Variants in ANO1 observed in about 807,000 individuals in gnomAD.
ANO1 encodes anoctamin 1, also known as anoctamin-1.
In ANO1, 59 loss-of-function variants were observed where a neutral mutation model predicts 124.0. That is an observed-to-expected ratio of 0.48 (90% CI 0.39 to 0.59). ANO1 has a LOEUF of 0.59. Ranked by LOEUF, ANO1 falls within the 20% of genes least tolerant of loss-of-function variation. The pLI is 0.00. For missense variants in ANO1, 1,059 were observed against 1,328.0 expected (o/e 0.80, Z 3.15); for synonymous variants, 529 against 532.0 (o/e 0.99, Z 0.08).
At chr11:70,129,510 T>A (rs1380501614) in intron 10 of ANO1, 2 of 152,148 alleles carry the variant, frequency 1.3e-5, no homozygotes, top group Non-Finnish European at 2.9e-5. Flanking sequence ...GCCCGACCCC[T>A]GCTCCCATGC....
intron 7 of ANO1, among the ~76,000 whole-genome samples, chr11:70,114,186 G>A (rs1398130419): frequency 6.6e-6 from 1 of 152,228 alleles, no homozygotes; most frequent in African/African-American, 2.4e-5. Flanking sequence ...CCTTAAAGAT[G>A]GAGAAACAGG....
rs1210601712 is a variant in ANO1, at chr11:70,106,156, G to A, written c.747+368G>A. On this transcript the variant is annotated intron_variant, in intron 5 of 25. Transcript: ENST00000355303. Reference sequence around the variant, plus strand: ...CAGGCCACGATTCGGGGCTTTCAGGGCAGGCAGGTGTGGGCAGGAGGGAGG... The same window carrying A: ...CAGGCCACGATTCGGGGCTTTCAGGACAGGCAGGTGTGGGCAGGAGGGAGG... 2.0e-5 allele frequency among the ~76,000 whole-genome samples: 3 copies of A among 152,324 alleles called. No individual in the cohort carries two copies. In the East Asian group the frequency reaches 5.8e-4, roughly 29 times the overall value.
At chr11:70,104,386 T>C (rs964505698) in intron 4 of ANO1, among the ~76,000 whole-genome samples, 3 of 152,150 alleles carry the variant, frequency 2.0e-5, no homozygotes, top group African/African-American at 7.2e-5. Flanking sequence ...AAAAACTTCT[T>C]TGGCCTGAGT....
chr11:69,981,609 C>G (rs887220821), upstream of ANO1, among the ~76,000 whole-genome samples: 22 of 152,166 alleles, frequency 1.4e-4, no homozygotes, highest in Non-Finnish European at 2.9e-4. Context: ...GCTGGGAGCC[C>G]CTGGTATCAG....
At chr11:70,103,311 G>A in intron 3 of ANO1, 147 bp downstream of exon 3, 1 of 654,422 alleles carries the variant, frequency 1.5e-6, no homozygotes, top group Non-Finnish European at 2.6e-6. Context: ...CAAAGACCAT[G>A]TGGCTCGATG....
At chr11:70,092,657 G>T (rs1161659083) in intron 2 of ANO1, among the ~76,000 whole-genome samples, 1 of 152,164 alleles carries the variant, frequency 6.6e-6, no homozygotes, top group Non-Finnish European at 1.5e-5. Context: ...GATGTGAGGA[G>T]TGTGGGAAGG....
chr11:70,040,661 C>G (rs549329593), intron 1 of ANO1, among the ~76,000 whole-genome samples: 14 of 152,036 alleles, frequency 9.2e-5, no homozygotes, highest in African/African-American at 3.1e-4. Context: ...GGTGACAGAG[C>G]GAGACTCTGT....
At chr11:70,125,546 GA>G (rs1565225911) in intron 9 of ANO1, among the ~76,000 whole-genome samples, 2 of 148,478 alleles carry the variant, frequency 1.3e-5, no homozygotes, top group African/African-American at 4.9e-5. Context: ...GAAAGGAAAA[GA>G]AAAAGAAAGA....
intron 1 of ANO1, among the ~76,000 whole-genome samples, chr11:70,017,810 G>A (rs1856729052): frequency 1.3e-5 from 2 of 152,076 alleles, no homozygotes; most frequent in Admixed American, 1.3e-4. Flanking sequence ...ATGAGCCACA[G>A]TACCTGGCCT....
chr11:69,997,149 G>C (rs563170980), intron 1 of ANO1, among the ~76,000 whole-genome samples: 2 of 152,242 alleles, frequency 1.3e-5, no homozygotes, highest in Admixed American at 1.3e-4. Flanking sequence ...ATCCATTCTA[G>C]TTAAATCTGA....
intron 1 of ANO1, among the ~76,000 whole-genome samples, chr11:70,058,782 A>G (rs1321135018): frequency 3.3e-5 from 5 of 152,188 alleles, no homozygotes; most frequent in Admixed American, 3.3e-4. Context: ...TTAAAAGATC[A>G]TTAGTCCATT....
chr11:70,120,854 C>G (rs1205329674), intron 8 of ANO1, among the ~76,000 whole-genome samples: 1 of 152,172 alleles, frequency 6.6e-6, no homozygotes, highest in Non-Finnish European at 1.5e-5. Context: ...GTCACAGTGA[C>G]TGGAGCCGCC....
chr11:70,061,496 TTCTCTCTCTC>T (rs1555007746), intron 1 of ANO1, among the ~76,000 whole-genome samples: 3 of 139,546 alleles, frequency 2.1e-5, no homozygotes, highest in Admixed American at 7.1e-5. Context: ...CCCTCTCTCT[TTCTCTCTCTC>T]TCCCCTCCTC....
intron 11 of ANO1, among the ~76,000 whole-genome samples, chr11:70,143,501 G>A (rs912103422): frequency 2.6e-5 from 4 of 152,134 alleles, no homozygotes; most frequent in Non-Finnish European, 4.4e-5. Flanking sequence ...GGAGAAGGAC[G>A]GCAGAAAGAC....
At position 70,083,907 on chromosome 11, in the gene ANO1, A is replaced by C. The variant is rs144509382; in HGVS notation, c.109-3845A>C. Among the ~76,000 whole-genome samples, 10 of 152,374 alleles carry C rather than the reference A, an allele frequency of 6.6e-5. No individual in the cohort carries two copies. In the East Asian group the frequency reaches 1.9e-3, roughly 29 times the overall value. Reference sequence around the variant, plus strand: ...GCAGTCCCAGCACAGAGAGACCTGCAGAGGCCAGAGGGGCTGGCCACCTTC... The same window carrying C: ...GCAGTCCCAGCACAGAGAGACCTGCCGAGGCCAGAGGGGCTGGCCACCTTC... On this transcript the variant is annotated intron_variant, in intron 1 of 25. Coordinates refer to ENST00000355303, the MANE Select transcript of ANO1 (RefSeq NM_018043.7).
Position 70,182,680 on chromosome 11 carries a change from T to C in ANO1, c.2582T>C (p.Ile861Thr). The C allele has an allele frequency of 6.3e-7, 1 of 1,590,630 alleles. No homozygotes were observed. Among genetic ancestry groups the C allele is most frequent in the South Asian group, 1.1e-5 (1 of 87,002 alleles). The change falls in exon 24 of 26, where the codon ATC (isoleucine) becomes ACC (threonine). Residue 861 changes from isoleucine to threonine, a missense_variant. Ile to Thr is a moderately conservative substitution (Grantham distance 89). Transcript: ENST00000355303. ...CTGGACCTGGGCTACGAGGTGCAGA[T>C]CTGCAGGTACTGCTCTCTGCTCCCC... Reference protein sequence around the residue: ...DPLDLGYEVQICRYKDYREPP... With the variant: ...DPLDLGYEVQTCRYKDYREPP...
intron 8 of ANO1, among the ~76,000 whole-genome samples, chr11:70,117,951 G>A (rs567384248): frequency 1.7e-4 from 26 of 152,224 alleles, no homozygotes; most frequent in Admixed American, 9.2e-4. Flanking sequence ...ATCTGGCATC[G>A]TCTGGGACCC....
chr11:70,147,992 C>T (rs1174851808), intron 11 of ANO1, among the ~76,000 whole-genome samples: 2 of 152,122 alleles, frequency 1.3e-5, no homozygotes, highest in East Asian at 1.9e-4. Flanking sequence ...CAGGCTGGGC[C>T]GGCCGATACA....
rs540551294 is a variant in ANO1, at chr11:70,095,346, AAAAG to A, written c.441+7342_441+7345del. Among the ~76,000 whole-genome samples the A allele has an allele frequency of 6.9e-3, 723 of 104,588 alleles. 22 individuals are homozygous for A. Among genetic ancestry groups the A allele is most frequent in the East Asian group, 0.015 (51 of 3,468 alleles). The allele number at this position is 104,588 out of a possible 152,430, so 68.6% of individuals were successfully genotyped here. A position where few individuals can be genotyped will look rare whatever the true frequency, so the allele number is the denominator to read the frequency against. On this transcript the variant is annotated intron_variant, in intron 2 of 25. Coordinates refer to ENST00000355303, the MANE Select transcript of ANO1 (RefSeq NM_018043.7). ...GAAAGAAAGAAAGGAAAGAGAAAGA[AAAAG>A]AAAGAAAGAAAGAAAGAAAGAAAGA...
Sources: allele counts gnomAD v4.1 joint callset (sites outside exome capture counted in the v4.1 genomes callset), GRCh38; gene constraint gnomAD v4.1.1; transcripts MANE v1.5; gene names NCBI Gene and HGNC (gene_info 2026-07-23, HGNC 2026-07-21).